PCDHGB2: variants seen among roughly 807,000 people sequenced by gnomAD.
PCDHGB2 encodes the protein protocadherin gamma subfamily B, 2.
In PCDHGB2, 55 loss-of-function variants were observed where a neutral mutation model predicts 59.3. That is an observed-to-expected ratio of 0.93 (90% confidence interval 0.75 to 1.16). The LOEUF is 1.16. PCDHGB2 is among the 50% of genes most tolerant of loss of function. The pLI, the probability that PCDHGB2 is intolerant of heterozygous loss-of-function variation, is 0.00. For missense variants in PCDHGB2, 1,228 were observed against 1,198.5 expected (o/e 1.02, Z -0.36); for synonymous variants, 516 against 512.0 (o/e 1.01, Z -0.11).
chr5:141,478,716 G>T, intron 1 of PCDHGB2: 1 of 1,545,206 alleles, frequency 6.5e-7, no homozygotes. Flanking sequence ...TGAGATGGTG[G>T]CCTGCCAGAG....
At chr5:141,376,491 A>T in intron 1 of PCDHGB2, 2 of 1,614,114 alleles carry the variant, frequency 1.2e-6, no homozygotes, top group Non-Finnish European at 1.7e-6. Context: ...ACGAAAGGAG[A>T]ACCCAGGCAA....
At chr5:141,383,997 T>C (rs1160859584) in intron 1 of PCDHGB2, 1 of 1,613,870 alleles carries the variant, frequency 6.2e-7, no homozygotes, top group Admixed American at 1.7e-5. Flanking sequence ...GGACAGTCAT[T>C]GCTCTTTTCT....
Position 141,501,290 on chromosome 5 carries a change from TACACACAC to T in PCDHGB2, c.2481-4066_2481-4059del, listed in dbSNP as rs55762287. 3.7e-3 allele frequency among the ~76,000 whole-genome samples: 499 copies of T among 136,222 alleles called. 2 individuals carry two copies. Among genetic ancestry groups the T allele is most frequent in the Middle Eastern group, 0.033 (9 of 270 alleles). 89.4% of individuals were successfully genotyped at this position (136,222 alleles called of 152,430 possible). On this transcript the variant is annotated intron_variant, in intron 2 of 3. Transcript: ENST00000522605. ...GTCCAGTCTATGGGATATTCCCTTA[TACACACAC>T]ACACACACACACACACACACACACA... is the stretch of plus-strand genomic sequence containing the variant.
chr5:141,385,267 T>G lies in PCDHGB2; in HGVS notation c.2421+22711T>G, dbSNP rs965746690. On this transcript the variant is annotated intron_variant, in intron 1 of 3. Transcript: ENST00000522605. ...CCAGGAGAGCTGTGAGAAAAATGAT[T>G]CTTTGCTAACATCCGTAGATTTTCA... 10 of 1,614,058 alleles carry G rather than the reference T, an allele frequency of 6.2e-6. No individual in the cohort carries two copies. In the African/African-American group the frequency reaches 1.2e-4, roughly 19 times the overall value.
Position 141,511,400 on chromosome 5 carries a change from T to C in PCDHGB2, c.*227T>C. The C allele has an allele frequency of 2.0e-6, 2 of 982,250 alleles. No individual in the cohort carries two copies. Among genetic ancestry groups the C allele is most frequent in the Non-Finnish European group, 2.9e-6 (2 of 688,054 alleles). The allele number at this position is 982,250 out of a possible 1,614,324, so 60.8% of individuals were successfully genotyped here. On this transcript the variant is annotated 3_prime_UTR_variant, in exon 4 of 4. Coordinates refer to ENST00000522605, the MANE Select transcript of PCDHGB2 (RefSeq NM_018923.3). ...AGTTCCGCTGGGAACCCCCATCCAA[T>C]CAACTGCTGTACCCATGGGGGTAGT...
At chr5:141,496,310 A>G (rs1446146598) in intron 2 of PCDHGB2, among the ~76,000 whole-genome samples, 1 of 152,218 alleles carries the variant, frequency 6.6e-6, no homozygotes, top group East Asian at 1.9e-4. Context: ...GCTCTGCGCC[A>G]GGCCTCCCAG....
rs572270591 is a variant in PCDHGB2, at chr5:141,397,633, T to C, written c.2421+35077T>C. The stretch of plus-strand genomic sequence containing the variant: ...GGCAATACTTAGTTCTAGCTAAGAG[T>C]TCAAGGTATGTTTGCAGAATGGTGA... On this transcript the variant is annotated intron_variant, in intron 1 of 3. Coordinates refer to ENST00000522605, the MANE Select transcript of PCDHGB2 (RefSeq NM_018923.3). Among the ~76,000 whole-genome samples, 5 of 152,252 alleles carry C rather than the reference T, an allele frequency of 3.3e-5. No homozygotes were observed. In the East Asian group the frequency reaches 9.7e-4, roughly 29 times the overall value.
At chr5:141,417,955 G>C in intron 1 of PCDHGB2, 2 of 1,613,634 alleles carry the variant, frequency 1.2e-6, no homozygotes, top group Middle Eastern at 1.7e-4. Flanking sequence ...TGTGTGAGCC[G>C]ATCCGCTACT....
At chr5:141,435,800 A>G (rs530461064) in intron 1 of PCDHGB2, among the ~76,000 whole-genome samples, 20 of 152,128 alleles carry the variant, frequency 1.3e-4, no homozygotes, top group Non-Finnish European at 2.6e-4. Flanking sequence ...ATAACGTCCC[A>G]ATTATTTTTT....
At position 141,369,163 on chromosome 5, in the gene PCDHGB2, A is replaced by G. The variant is rs184652156; in HGVS notation, c.2421+6607A>G. Reference sequence around the variant, plus strand: ...AATGGCATGTTATTGACCAGGGAAAAGTGTAAATAACAAAAAGTTAGGATT... The same window carrying G: ...AATGGCATGTTATTGACCAGGGAAAGGTGTAAATAACAAAAAGTTAGGATT... On this transcript the variant is annotated intron_variant, in intron 1 of 3. Transcript: ENST00000522605. Among the ~76,000 whole-genome samples, 9 of 152,372 alleles carry G rather than the reference A, an allele frequency of 5.9e-5. No homozygotes were observed. In the East Asian group the frequency reaches 1.7e-3, roughly 29 times the overall value.
rs139344941 is a variant in PCDHGB2, at chr5:141,480,950, C to T, written c.2422-13857C>T. Among the ~76,000 whole-genome samples the T allele has an allele frequency of 6.7e-3, 1,016 of 152,086 alleles. 11 individuals carry two copies. Among genetic ancestry groups the T allele is most frequent in the African/African-American group, 0.023 (953 of 41,456 alleles). On this transcript the variant is annotated intron_variant, in intron 1 of 3. Transcript: ENST00000522605. ...GTCCCAGCTACTCTAGAGGCTGAGG[C>T]GGAAGCATCAGTGAGGGAGAATCAG...
chr5:141,362,523 T>G lies in PCDHGB2; in HGVS notation c.2388T>G (p.Ala796=). The change falls in exon 1 of 4, where the codon GCT becomes GCG. Residue 796 remains alanine (A), a synonymous_variant. Coordinates refer to ENST00000522605, the MANE Select transcript of PCDHGB2 (RefSeq NM_018923.3). ...AACAAAATACAAATCATGGAGCCGC[T>G]GGGGTCCCTTTTGCCTCAGATACTA... ...SWEQNTNHGA[A]GVPFASDTIL... is the part of the protein sequence containing the mutation. 6.2e-7 allele frequency: 1 copy of G among 1,614,040 alleles called. No individual in the cohort carries two copies. Among genetic ancestry groups the G allele is most frequent in the Non-Finnish European group, 8.5e-7 (1 of 1,179,904 alleles).
intron 1 of PCDHGB2, chr5:141,408,700 A>G (rs748315700): frequency 3.1e-6 from 5 of 1,613,470 alleles, no homozygotes; most frequent in Admixed American, 3.3e-5. Flanking sequence ...ACATAAACTC[A>G]ATTAAAGATT....
intron 1 of PCDHGB2, among the ~76,000 whole-genome samples, chr5:141,469,821 G>A (rs2099212107): frequency 6.6e-6 from 1 of 152,028 alleles, no homozygotes; most frequent in Admixed American, 6.6e-5. Flanking sequence ...TAGAATGGAG[G>A]TCACATAAAA....
In PCDHGB2 at chr5:141,505,574, CCT is replaced by C. The variant is rs562555098; in HGVS notation, c.2569+94_2569+95del. 5.3e-5 allele frequency: 85 copies of C among 1,593,636 alleles called. No individual in the cohort carries two copies. The African/African-American group carries it at 1.0e-3, about 20-fold the overall frequency. On this transcript the variant is annotated intron_variant, in intron 3 of 3. Coordinates refer to ENST00000522605, the MANE Select transcript of PCDHGB2 (RefSeq NM_018923.3). ...CCATGCCCACGGACTGGATGTCAAACCTGTGTAGTTTCTCCAGATCTTTCGGC... is the reference window on the plus strand; with the variant it reads ...CCATGCCCACGGACTGGATGTCAAACGTGTAGTTTCTCCAGATCTTTCGGC...
chr5:141,486,598 C>T lies in PCDHGB2; in HGVS notation c.2422-8209C>T. 2 of 1,613,604 alleles carry T rather than the reference C, an allele frequency of 1.2e-6. No homozygotes were observed. Among genetic ancestry groups the T allele is most frequent in the Non-Finnish European group, 1.7e-6 (2 of 1,179,998 alleles). ...ACAATCGCCCAGGGGACCTGCTTTG[C>T]TCCCTTGCAGCCTCTGACCCAGACT... On this transcript the variant is annotated intron_variant, in intron 1 of 3. Transcript: ENST00000522605. The surrounding 1 kb of genome is among the most constrained non-coding windows in gnomAD (Gnocchi z 5.0).
intron 1 of PCDHGB2, among the ~76,000 whole-genome samples, chr5:141,484,207 A>G (rs898823095): frequency 2.6e-5 from 4 of 152,218 alleles, no homozygotes; most frequent in Non-Finnish European, 5.9e-5. Context: ...ATCTATGAAC[A>G]TTAGCATTCT....
chr5:141,364,357 C>A, intron 1 of PCDHGB2: 2 of 1,556,048 alleles, frequency 1.3e-6, no homozygotes, highest in South Asian at 1.2e-5. Flanking sequence ...GGGGCTGGGG[C>A]TGCGGAGAGC....
chr5:141,498,940 A>G (rs527366029), intron 2 of PCDHGB2, among the ~76,000 whole-genome samples: 57 of 140,142 alleles, frequency 4.1e-4, no homozygotes, highest in Non-Finnish European at 7.3e-4. Flanking sequence ...CAGGAAAGAA[A>G]GAAAGAAAAA....
Sources: allele counts gnomAD v4.1 joint callset (sites outside exome capture counted in the v4.1 genomes callset), GRCh38; gene constraint gnomAD v4.1.1; non-coding constraint Gnocchi (gnomAD v3.1); transcripts MANE v1.5; gene names NCBI Gene and HGNC (gene_info 2026-07-23, HGNC 2026-07-21).